Variants in CMTM7 observed in about 807,000 individuals in gnomAD.
CMTM7 encodes the protein CKLF-like MARVEL transmembrane domain-containing protein 7.
A neutral mutation model predicts 19.3 loss-of-function variants in CMTM7; 7 were observed. The ratio of observed to expected loss-of-function variants is 0.36; its 90% CI spans 0.21 to 0.68. The LOEUF is 0.68. Ranked by LOEUF, CMTM7 falls within the 30% of genes least tolerant of loss-of-function variation. CMTM7 has a pLI of 0.60. For missense variants in CMTM7, 193 were observed against 232.6 expected, an observed-to-expected ratio of 0.83 and a Z score of 1.11; for synonymous variants, 87 against 99.3, an observed-to-expected ratio of 0.88 and a Z score of 0.74.
chr3:32,449,861 G>A lies in CMTM7; in HGVS notation c.432+309G>A, dbSNP rs780216152. ...ACACACCCACTCTGATCATTTGCTC[G>A]TTGGCTGCCTCAGCACTATGCAGAG... On this transcript the variant is annotated intron_variant, in intron 3 of 4. Coordinates refer to ENST00000334983, the MANE Select transcript of CMTM7 (RefSeq NM_138410.4). The surrounding 1 kb of genome is among the most constrained non-coding windows in gnomAD (Gnocchi z 4.5). Among the ~76,000 whole-genome samples the A allele has an allele frequency of 1.6e-4, 24 of 152,266 alleles. No homozygotes were observed. Among genetic ancestry groups the A allele is most frequent in the African/African-American group, 5.1e-4 (21 of 41,550 alleles).
chr3:32,401,754 C>G (rs1696009728), intron 1 of CMTM7, among the ~76,000 whole-genome samples: 1 of 152,240 alleles, frequency 6.6e-6, no homozygotes, highest in Non-Finnish European at 1.5e-5. Flanking sequence ...CAGTGGTTTC[C>G]TGGGCTCGCT....
intron 1 of CMTM7, among the ~76,000 whole-genome samples, chr3:32,421,206 A>T (rs1190007540): frequency 6.6e-6 from 1 of 151,832 alleles, no homozygotes; most frequent in Non-Finnish European, 1.5e-5. Context: ...CTGCTACTAG[A>T]TTCATTTTCC....
intron 1 of CMTM7, among the ~76,000 whole-genome samples, chr3:32,403,599 A>G (rs1696043327): frequency 6.6e-6 from 1 of 152,198 alleles, no homozygotes; most frequent in Admixed American, 6.5e-5. Context: ...CAACTCATCG[A>G]GGAAACTGAG....
At chr3:32,423,505 C>G (rs377733682) in intron 1 of CMTM7, among the ~76,000 whole-genome samples, 143 of 152,282 alleles carry the variant, frequency 9.4e-4, no homozygotes, top group African/African-American at 3.3e-3. Flanking sequence ...TTCTCGGTTT[C>G]TGTGGCTACT....
intron 1 of CMTM7, among the ~76,000 whole-genome samples, chr3:32,418,310 C>CT (rs1192370253): frequency 6.6e-6 from 1 of 152,078 alleles, no homozygotes; most frequent in Non-Finnish European, 1.5e-5. Context: ...GGATAAAGTT[C>CT]TTTGTCAGAA....
intron 1 of CMTM7, among the ~76,000 whole-genome samples, chr3:32,401,522 G>C (rs1321103874): frequency 6.6e-6 from 1 of 152,260 alleles, no homozygotes; most frequent in Non-Finnish European, 1.5e-5. Flanking sequence ...GAATCCTAGG[G>C]GATTCCCTGT....
chr3:32,424,684 G>A (rs1265396655), intron 1 of CMTM7, among the ~76,000 whole-genome samples: 15 of 149,710 alleles, frequency 1.0e-4, no homozygotes, highest in East Asian at 3.9e-4. Flanking sequence ...TCACTCTGTC[G>A]CCCAGGCTGG....
At chr3:32,408,263 AATCTGTAAGCT>A (rs1696118200) in intron 1 of CMTM7, among the ~76,000 whole-genome samples, 1 of 152,208 alleles carries the variant, frequency 6.6e-6, no homozygotes, top group African/African-American at 2.4e-5. Context: ...TAAGCCACCA[AATCTGTAAGCT>A]TGCTACAGTA....
chr3:32,410,289 C>T, intron 1 of CMTM7, among the ~76,000 whole-genome samples: 1 of 152,250 alleles, frequency 6.6e-6, no homozygotes, highest in Non-Finnish European at 1.5e-5. Context: ...GGGCAGCCAC[C>T]TTTCTGTTCA....
At chr3:32,427,526 A>G (rs1696451138) in intron 1 of CMTM7, among the ~76,000 whole-genome samples, 1 of 152,222 alleles carries the variant, frequency 6.6e-6, no homozygotes, top group Admixed American at 6.5e-5. Flanking sequence ...GCCACTAGCT[A>G]CATGAGGGCT....
At chr3:32,437,492 G>A (rs9754949) in intron 1 of CMTM7, among the ~76,000 whole-genome samples, 10 of 152,138 alleles carry the variant, frequency 6.6e-5, no homozygotes, top group African/African-American at 2.2e-4. Context: ...AGCTACTCAG[G>A]AAGCTGAGGC....
At chr3:32,405,390 G>A (rs1043391205) in intron 1 of CMTM7, among the ~76,000 whole-genome samples, 4 of 152,206 alleles carry the variant, frequency 2.6e-5, no homozygotes, top group Admixed American at 6.5e-5. Flanking sequence ...AGCAGTGCAG[G>A]GGGCAGCAGG....
intron 1 of CMTM7, among the ~76,000 whole-genome samples, chr3:32,403,557 C>A (rs764108501): frequency 1.3e-5 from 2 of 152,114 alleles, no homozygotes; most frequent in Non-Finnish European, 1.5e-5. Context: ...ATCCTCACAA[C>A]AATATTATGA....
intron 1 of CMTM7, among the ~76,000 whole-genome samples, chr3:32,419,794 G>T (rs1225997466): frequency 6.6e-6 from 1 of 152,108 alleles, no homozygotes; most frequent in East Asian, 1.9e-4. Flanking sequence ...TTTATGGAGG[G>T]TTTTTGATAG....
rs898763934 is a variant in CMTM7 at position 32,449,712 on chromosome 3, C to T, written c.432+160C>T. ...TCAGCTCTCTCCAAAGAGCCTTAAG[C>T]AGAGGCGTACAGTCCCAGAAGGTGG... is the stretch of plus-strand genomic sequence containing the variant. On this transcript the variant is annotated intron_variant, in intron 3 of 4. Transcript: ENST00000334983. This position sits in a 1 kb window ranked among gnomAD's most constrained non-coding sequence, Gnocchi z 4.5. Among the ~76,000 whole-genome samples the T allele has an allele frequency of 2.0e-5, 3 of 152,178 alleles. No individual in the cohort carries two copies. The highest frequency in any genetic ancestry group is 4.4e-5 in the Non-Finnish European group (3 of 68,040).
chr3:32,402,485 C>A (rs1005390160), intron 1 of CMTM7, among the ~76,000 whole-genome samples: 3 of 152,186 alleles, frequency 2.0e-5, no homozygotes, highest in Non-Finnish European at 4.4e-5. Flanking sequence ...ACTTACTACT[C>A]CCAAAGGGTT....
intron 1 of CMTM7, among the ~76,000 whole-genome samples, chr3:32,423,732 A>G (rs935501088): frequency 5.9e-5 from 9 of 152,208 alleles, no homozygotes; most frequent in Non-Finnish European, 1.2e-4. Flanking sequence ...GTTTCATTCT[A>G]TAATATTCAG....
chr3:32,410,335 C>G (rs17029407), intron 1 of CMTM7, among the ~76,000 whole-genome samples: 17,967 of 152,280 alleles, frequency 0.12, 1,138 homozygotes, highest in South Asian at 0.18. Flanking sequence ...AAGGTGGTGC[C>G]TGGAACACAG....
intron 2 of CMTM7, among the ~76,000 whole-genome samples, chr3:32,445,423 A>T (rs1378900801): frequency 1.3e-5 from 2 of 152,210 alleles, no homozygotes; most frequent in African/African-American, 4.8e-5. Flanking sequence ...ATAAAAGAGT[A>T]TTAGATTTTG....
Sources: allele counts gnomAD v4.1 joint callset (sites outside exome capture counted in the v4.1 genomes callset), GRCh38; gene constraint gnomAD v4.1.1; non-coding constraint Gnocchi (gnomAD v3.1); transcripts MANE v1.5; gene names NCBI Gene and HGNC (gene_info 2026-07-23, HGNC 2026-07-21).